ZNF534: variants seen among roughly 807,000 people sequenced by gnomAD.
ZNF534 encodes KRAB domain only 3.
A neutral mutation model predicts 13.6 loss-of-function variants in ZNF534; 19 were observed. The ratio of observed to expected loss-of-function variants is 1.40; its 90% CI spans 0.97 to 2.05. The LOEUF (loss-of-function observed/expected upper bound fraction) is 2.05, where lower values mean the gene tolerates loss of function less well. Ranked by LOEUF, ZNF534 falls within the 30% of genes most tolerant of loss-of-function variation. The pLI is 0.00. For missense variants in ZNF534, 782 were observed against 796.3 expected, an observed-to-expected ratio of 0.98 and a Z score of 0.22; for synonymous variants, 244 against 273.8, an observed-to-expected ratio of 0.89 and a Z score of 1.07.
In ZNF534 at chr19:52,435,017, T is replaced by C. The variant is rs184421647; in HGVS notation, c.143-64T>C. The C allele has an allele frequency of 6.4e-6, 10 of 1,553,218 alleles. No homozygotes were observed. The East Asian group carries it at 2.3e-4, about 35-fold the overall frequency. On this transcript the variant is annotated intron_variant, in intron 3 of 4. Coordinates refer to ENST00000433050, the MANE Select transcript of ZNF534 (RefSeq NM_001143938.3). ...AATTTGTAATATGCTGTCTCCTACC[T>C]AAATATAGGGCTTGGACTTTGGAGA... is the stretch of plus-strand genomic sequence containing the variant.
In ZNF534 at chr19:52,433,202, G is replaced by A. The variant is rs1425942095; in HGVS notation, c.16-753G>A. On this transcript the variant is annotated intron_variant, in intron 2 of 4. Transcript: ENST00000433050. ...TGCAGTGGGTGGATATCACACCCCT[G>A]CACTCCAGTCTGGGAAACAGTAAGA... Among the ~76,000 whole-genome samples the A allele has an allele frequency of 3.9e-5, 5 of 128,418 alleles. No individual in the cohort carries two copies. In the Admixed American group the frequency reaches 4.7e-4, roughly 12 times the overall value. 84.2% of individuals were successfully genotyped at this position (128,418 alleles called of 152,430 possible).
intron 4 of ZNF534, among the ~76,000 whole-genome samples, chr19:52,435,935 TC>T (rs1568443481): frequency 3.2e-4 from 11 of 34,188 alleles, no homozygotes; most frequent in Admixed American, 5.4e-4. Context: ...TTTTTCTTCT[TC>T]TTCTTTTTTT....
exon 5 of ZNF534, chr19:52,452,183 T>C: frequency 6.3e-6 from 1 of 159,996 alleles, no homozygotes; most frequent in Non-Finnish European, 1.4e-5. Flanking sequence ...ATCTACTTTG[T>C]GGTGACCTGA....
At position 52,439,223 on chromosome 19, in the gene ZNF534, G is replaced by T. The variant is rs752961485; in HGVS notation, c.1763G>T (p.Ser588Ile). 8 of 1,532,280 alleles carry T rather than the reference G, an allele frequency of 5.2e-6. No individual in the cohort carries two copies. The African/African-American group carries it at 1.1e-4, about 21-fold the overall frequency. 94.9% of individuals were successfully genotyped at this position (1,532,280 alleles called of 1,614,324 possible). ...TGTAATGAATGTGGCAAGGTCTTCA[G>T]TCGGAATTCACACCTTGCGCGACAT... ...HSCNECGKVF[S>I]RNSHLARHRK... The change falls in exon 5 of 5, where the codon AGT (serine) becomes ATT (isoleucine). Residue 588 changes from serine to isoleucine, a missense_variant. Around this residue, in one of 5 missense-constraint regions of ZNF534, gnomAD observed 20 missense variants for 43.6 expected, o/e 0.46. Transcript: ENST00000433050.
intron 1 of ZNF534, among the ~76,000 whole-genome samples, chr19:52,429,585 T>G (rs957828260): frequency 6.8e-6 from 1 of 147,534 alleles, no homozygotes; most frequent in African/African-American, 2.6e-5. Context: ...GTTAGTCACT[T>G]AATAGTCTTT....
chr19:52,435,670 GT>G (rs1454067341), intron 4 of ZNF534, among the ~76,000 whole-genome samples: 1 of 151,694 alleles, frequency 6.6e-6, no homozygotes, highest in Non-Finnish European at 1.5e-5. Flanking sequence ...TGCCTATCTA[GT>G]TTTTTGTATT....
rs1043528243 is a variant in ZNF534, at chr19:52,441,326, G to T, written c.*1880G>T. ...ACCCAGGAGTTTGAGACCAACCTGG[G>T]TAACATAAGGACAACTCCATCTCTA... On this transcript the variant is annotated 3_prime_UTR_variant, in exon 5 of 5. Coordinates refer to ENST00000433050, the MANE Select transcript of ZNF534 (RefSeq NM_001143938.3). Among the ~76,000 whole-genome samples, 1 of 152,176 alleles carries T rather than the reference G, an allele frequency of 6.6e-6. No homozygotes were observed.
chr19:52,432,189 T>C (rs1274094386), intron 2 of ZNF534, among the ~76,000 whole-genome samples: 2 of 152,144 alleles, frequency 1.3e-5, no homozygotes, highest in African/African-American at 4.8e-5. Context: ...AGGCAATGGC[T>C]ATAAGAACAT....
At chr19:52,433,780 T>C (rs886649844) in intron 2 of ZNF534, 175 bp from the exon 3 acceptor site, 38 of 731,922 alleles carry the variant, frequency 5.2e-5, no homozygotes, top group Non-Finnish European at 8.9e-5. Flanking sequence ...TCACTCCTTA[T>C]GGAAAAGTAT....
chr19:52,437,610 A>G lies in ZNF534; in HGVS notation c.272-122A>G, dbSNP rs543052352. The G allele has an allele frequency of 8.1e-5, 86 of 1,060,438 alleles. No homozygotes were observed. In the East Asian group the frequency reaches 2.1e-3, roughly 25 times the overall value. 65.7% of individuals were successfully genotyped at this position (1,060,438 alleles called of 1,614,324 possible). A position where few individuals can be genotyped will look rare whatever the true frequency, so the allele number is the denominator to read the frequency against. On this transcript the variant is annotated intron_variant, in intron 4 of 4. Transcript: ENST00000433050. Reference sequence around the variant, plus strand: ...GGTGACAATGTGAGACTCCATCTCAATAAAAACAAAGTATGCTGATAATTT... The same window carrying G: ...GGTGACAATGTGAGACTCCATCTCAGTAAAAACAAAGTATGCTGATAATTT...
intron 1 of ZNF534, among the ~76,000 whole-genome samples, chr19:52,431,004 C>T (rs1194713051): frequency 6.6e-6 from 1 of 152,122 alleles, no homozygotes; most frequent in Non-Finnish European, 1.5e-5. Flanking sequence ...GCCCGTGTCA[C>T]CACGCCCAGC....
At chr19:52,435,652 C>A (rs1323132367) in intron 4 of ZNF534, among the ~76,000 whole-genome samples, 2 of 151,978 alleles carry the variant, frequency 1.3e-5, no homozygotes, top group Non-Finnish European at 2.9e-5. Context: ...TCTGTGTGTA[C>A]ACCACCATGC....
chr19:52,432,017 T>G (rs1484795028), intron 2 of ZNF534, among the ~76,000 whole-genome samples: 1 of 151,958 alleles, frequency 6.6e-6, no homozygotes, highest in East Asian at 1.9e-4. Flanking sequence ...AGTGCACAGA[T>G]GAGCAAACCT....
chr19:52,450,512 A>G (rs1204447006), intron 4 of ZNF534, among the ~76,000 whole-genome samples: 4 of 151,758 alleles, frequency 2.6e-5, no homozygotes, highest in South Asian at 4.1e-4. Context: ...CTGTTGCTCT[A>G]TGTGTCTATT....
At chr19:52,442,806 C>T (rs748622092), downstream of ZNF534, among the ~76,000 whole-genome samples, 7 of 151,868 alleles carry the variant, frequency 4.6e-5, no homozygotes, top group Non-Finnish European at 7.3e-5. Flanking sequence ...GGAAGAAGAA[C>T]ACTGTCTTTT....
At chr19:52,449,745 GGT>G (rs544919833) in intron 4 of ZNF534, among the ~76,000 whole-genome samples, 2,133 of 152,206 alleles carry the variant, frequency 0.014, 49 homozygotes, top group African/African-American at 0.048. Flanking sequence ...TTTGTGGCCA[GGT>G]GTGGTGGCTC....
chr19:52,443,571 G>C (rs569024531), downstream of ZNF534, among the ~76,000 whole-genome samples: 1 of 152,022 alleles, frequency 6.6e-6, no homozygotes, highest in East Asian at 1.9e-4. Context: ...CCAATATGGC[G>C]AAACCCCATC....
At chr19:52,447,666 C>A (rs1304623203) in intron 4 of ZNF534, among the ~76,000 whole-genome samples, 1 of 152,114 alleles carries the variant, frequency 6.6e-6, no homozygotes, top group East Asian at 1.9e-4. Context: ...ATGTTAATAT[C>A]GTGGATTACA....
At chr19:52,451,213 C>T in exon 5 of ZNF534, 3 of 708,242 alleles carry the variant, frequency 4.2e-6, no homozygotes, top group Non-Finnish European at 7.8e-6. Flanking sequence ...CTGGGACGCG[C>T]GCGTCTTCAG....
Sources: allele counts gnomAD v4.1 joint callset (sites outside exome capture counted in the v4.1 genomes callset), GRCh38; gene constraint gnomAD v4.1.1; regional missense constraint gnomAD v4.1.1; transcripts MANE v1.5; gene names NCBI Gene and HGNC (gene_info 2026-07-23, HGNC 2026-07-21).